The following SLC23A2 variants were observed in gnomAD, a reference collection of about 807,000 sequenced individuals.
The protein encoded by SLC23A2 is Na(+)/L-ascorbic acid transporter 2.
SLC23A2 carries 36 observed loss-of-function variants against 73.3 expected under a neutral mutation model. The ratio of observed to expected loss-of-function variants is 0.49; its 90% CI spans 0.38 to 0.65. SLC23A2 has a LOEUF of 0.65. Ranked by LOEUF, SLC23A2 falls within the 30% of genes least tolerant of loss-of-function variation. The probability of loss-of-function intolerance (pLI) is 0.00; values close to 1 mark genes in which losing one functional copy is unlikely to be tolerated. For synonymous variants in SLC23A2, 343 were observed against 327.3 expected (o/e 1.05, Z -0.52); for missense variants, 507 against 841.6 (o/e 0.60, Z 4.92).
intron 1 of SLC23A2, among the ~76,000 whole-genome samples, chr20:4,974,208 T>C (rs1360740311): frequency 1.3e-5 from 2 of 152,152 alleles, no homozygotes; most frequent in Non-Finnish European, 1.5e-5. Context: ...CGGTGGTTTA[T>C]GCCTGTAATC....
At chr20:4,919,286 G>T (rs1194366117) in intron 3 of SLC23A2, among the ~76,000 whole-genome samples, 4 of 152,172 alleles carry the variant, frequency 2.6e-5, no homozygotes, top group Non-Finnish European at 4.4e-5. Context: ...CCACAGGATG[G>T]CTCCTGTAAC....
chr20:4,997,282 A>G lies in SLC23A2; in HGVS notation c.-282+4124T>C, dbSNP rs572190200. 2.6e-5 allele frequency among the ~76,000 whole-genome samples: 4 copies of G among 152,164 alleles called. No individual in the cohort carries two copies. The South Asian group carries it at 6.2e-4, about 24-fold the overall frequency. On this transcript the variant is annotated intron_variant, in intron 1 of 16. Transcript: ENST00000338244. Reference sequence around the variant, plus strand: ...TTCTACCACCCTCAAGGTAAAATCTACCAGCCTTACAGTGGTCCGCATGGC... The same window carrying G: ...TTCTACCACCCTCAAGGTAAAATCTGCCAGCCTTACAGTGGTCCGCATGGC...
At chr20:4,881,468 C>T (rs1297727516) in intron 9 of SLC23A2, among the ~76,000 whole-genome samples, 1 of 152,140 alleles carries the variant, frequency 6.6e-6, no homozygotes, top group East Asian at 1.9e-4. Context: ...TATTTTCTTA[C>T]TTTTTGTTTT....
chr20:4,951,447 C>G (rs1235606227), intron 2 of SLC23A2, among the ~76,000 whole-genome samples: 2 of 152,126 alleles, frequency 1.3e-5, no homozygotes, highest in African/African-American at 4.8e-5. Context: ...CGAGACAGAG[C>G]TGGGCAGGAA....
At chr20:4,880,206 C>G (rs1371204951) in intron 9 of SLC23A2, among the ~76,000 whole-genome samples, 1 of 152,202 alleles carries the variant, frequency 6.6e-6, no homozygotes, top group East Asian at 1.9e-4. Flanking sequence ...TCACAGAGCT[C>G]TGGAACAGTT....
upstream of SLC23A2, among the ~76,000 whole-genome samples, chr20:5,006,234 A>T (rs1246694915): frequency 6.6e-6 from 1 of 151,554 alleles, no homozygotes; most frequent in African/African-American, 2.4e-5. Context: ...AGTAGCTGGG[A>T]TTACAGGCGC....
chr20:4,896,862 C>T (rs2122860230), intron 6 of SLC23A2, among the ~76,000 whole-genome samples: 1 of 152,348 alleles, frequency 6.6e-6, no homozygotes, highest in Middle Eastern at 3.4e-3. Flanking sequence ...CAAGCTCTGG[C>T]CTCTGTGTGC....
At chr20:4,879,374 C>T (rs1311128502) in intron 9 of SLC23A2, among the ~76,000 whole-genome samples, 1 of 131,744 alleles carries the variant, frequency 7.6e-6, no homozygotes, top group Non-Finnish European at 1.5e-5. Flanking sequence ...CCCCACTGCA[C>T]TCCAGCCTGG....
Position 4,917,124 on chromosome 20 carries a change from G to A in SLC23A2, c.109-4146C>T, listed in dbSNP as rs183827199. On this transcript the variant is annotated intron_variant, in intron 3 of 16. Coordinates refer to ENST00000338244, the MANE Select transcript of SLC23A2 (RefSeq NM_005116.6). ...GAGCTCAGTCCAGACTGAGTGCCCC[G>A]CCAAGGAATTCCGCTGTTACACAGG... 3.9e-5 allele frequency among the ~76,000 whole-genome samples: 6 copies of A among 152,276 alleles called. No individual in the cohort carries two copies. In the East Asian group the frequency reaches 7.7e-4, roughly 20 times the overall value.
At position 4,862,880 on chromosome 20, in the gene SLC23A2, C is replaced by T; in HGVS notation, c.1384G>A (p.Gly462Arg). 5.6e-6 allele frequency: 9 copies of T among 1,613,478 alleles called. No individual in the cohort carries two copies. The highest frequency in any genetic ancestry group is 7.6e-6 in the Non-Finnish European group (9 of 1,179,634). The change falls in exon 14 of 17, where the codon GGA becomes AGA. Residue 462 changes from glycine to arginine, a missense_variant. Gly to Arg is a moderately radical substitution (Grantham distance 125). Coordinates refer to ENST00000338244, the MANE Select transcript of SLC23A2 (RefSeq NM_005116.6). This position sits in a 1 kb window ranked among gnomAD's most constrained non-coding sequence, Gnocchi z 5.1. ...KVGSRRVIQCGAALMLALGMI... is the reference protein window; with the variant it reads ...KVGSRRVIQCRAALMLALGMI... ...CCCAGAGCGAGCATGAGGGCTGCTC[C>T]GCACTGTATCACGCGGCGGCTGCCG... is the stretch of plus-strand genomic sequence containing the variant.
At chr20:4,942,314 C>T (rs1600155835) in intron 2 of SLC23A2, among the ~76,000 whole-genome samples, 1 of 150,458 alleles carries the variant, frequency 6.6e-6, no homozygotes, top group African/African-American at 2.5e-5. Context: ...TTTCTTAAAG[C>T]TCCCTGCAGC....
chr20:4,898,615 C>G (rs1031267495), intron 6 of SLC23A2, among the ~76,000 whole-genome samples: 1 of 152,040 alleles, frequency 6.6e-6, no homozygotes, highest in African/African-American at 2.4e-5. Context: ...GGCTGCACTG[C>G]GAAGAGGGGA....
rs148954638 is a variant in SLC23A2 at position 4,917,402 on chromosome 20, T to C, written c.109-4424A>G. 8.6e-3 allele frequency among the ~76,000 whole-genome samples: 1,303 copies of C among 152,072 alleles called. 13 individuals carry two copies. Among genetic ancestry groups the C allele is most frequent in the African/African-American group, 0.029 (1,213 of 41,486 alleles). Reference sequence around the variant, plus strand: ...GTCTGGATGGGAGCTCTGTGGTGAGTACAGCGGGGAGATGCCATCACAGCA... The same window carrying C: ...GTCTGGATGGGAGCTCTGTGGTGAGCACAGCGGGGAGATGCCATCACAGCA... On this transcript the variant is annotated intron_variant, in intron 3 of 16. Transcript: ENST00000338244.
chr20:4,999,029 T>A (rs2088071940), intron 1 of SLC23A2, among the ~76,000 whole-genome samples: 1 of 152,138 alleles, frequency 6.6e-6, no homozygotes, highest in Non-Finnish European at 1.5e-5. Flanking sequence ...GCTCTCGAAC[T>A]CCTGAGCTCA....
chr20:5,001,722 C>G (rs1392056275), upstream of SLC23A2, among the ~76,000 whole-genome samples: 2 of 151,812 alleles, frequency 1.3e-5, no homozygotes, highest in Non-Finnish European at 2.9e-5. Context: ...CTCCCCTGCG[C>G]AGAAAGATCG....
intron 3 of SLC23A2, among the ~76,000 whole-genome samples, chr20:4,927,111 G>A (rs1932700018): frequency 6.6e-6 from 1 of 152,000 alleles, no homozygotes; most frequent in Non-Finnish European, 1.5e-5. Context: ...AAGCAGAGAT[G>A]GGCTAGCCAC....
intron 6 of SLC23A2, among the ~76,000 whole-genome samples, chr20:4,890,201 G>A (rs1286585127): frequency 1.3e-5 from 2 of 152,070 alleles, no homozygotes; most frequent in Non-Finnish European, 2.9e-5. Flanking sequence ...AACCAAAGTT[G>A]GTACAAAACC....
intron 4 of SLC23A2, among the ~76,000 whole-genome samples, chr20:4,911,149 C>T (rs1366155107): frequency 2.6e-5 from 4 of 152,190 alleles, no homozygotes; most frequent in East Asian, 1.9e-4. Context: ...GTGAAAGCTG[C>T]GGCCCGGCAG....
At position 4,852,909 on chromosome 20, in the gene SLC23A2, G is replaced by C. The variant is rs1929578486; in HGVS notation, c.*4063C>G. On this transcript the variant is annotated 3_prime_UTR_variant, in exon 17 of 17. Transcript: ENST00000338244. This position sits in a 1 kb window ranked among gnomAD's most constrained non-coding sequence, Gnocchi z 4.3. ...AATGTCTGTGAGGCTGCTGAAAAGA[G>C]ACCCCCAACGCTAATGTGCCTTATG... 1 of 152,660 alleles carries C rather than the reference G, an allele frequency of 6.6e-6. No homozygotes were observed. Among genetic ancestry groups the C allele is most frequent in the Admixed American group, 6.5e-5 (1 of 15,280 alleles). 9.5% of individuals were successfully genotyped at this position (152,660 alleles called of 1,614,324 possible).
Sources: gnomAD v4.1 joint callset for allele counts (sites outside exome capture counted in the v4.1 genomes callset) on GRCh38, gnomAD v4.1.1 for gene constraint, Gnocchi (gnomAD v3.1) non-coding constraint, MANE v1.5 for transcripts, NCBI Gene and HGNC (gene_info 2026-07-23, HGNC 2026-07-21) for gene names.